SPC25: variants seen among roughly 807,000 people sequenced by gnomAD.
SPC25 encodes the protein kinetochore protein Spc25.
Under a neutral mutation model 29.6 loss-of-function variants are expected in SPC25, and 22 were observed. That is an observed-to-expected ratio of 0.74 (90% CI 0.53 to 1.06). The LOEUF (loss-of-function observed/expected upper bound fraction) is 1.06. Ranked by LOEUF, SPC25 falls within the 50% of genes least tolerant of loss-of-function variation. The pLI is 0.00. For synonymous variants in SPC25, 91 were observed against 90.4 expected (o/e 1.01, Z -0.04); for missense variants, 230 against 255.8 (o/e 0.90, Z 0.69).
intron 3 of SPC25, among the ~76,000 whole-genome samples, chr2:168,888,060 C>T (rs1371668336): frequency 3.9e-5 from 6 of 152,146 alleles, no homozygotes; most frequent in African/African-American, 9.7e-5. Flanking sequence ...GAGCGGACTG[C>T]TTGAGCCCAG....
In SPC25 at chr2:168,877,247, T is replaced by A; in HGVS notation, c.337A>T (p.Lys113Ter). ...IQDLKEEYSR[K>*]KETISTANKA... The stretch of plus-strand genomic sequence containing the variant: ...ATAAGAGGAAACTTACTTTCCTTCT[T>A]CCTAGAATATTCTTCCTTAAGATCC... The change falls in exon 4 of 7, where the codon AAG becomes TAG. Residue 113 changes from lysine (K) to a stop codon, truncating the protein, a stop_gained. Coordinates refer to ENST00000282074, the MANE Select transcript of SPC25 (RefSeq NM_020675.4). LOFTEE classifies it high-confidence loss of function. 6.2e-7 allele frequency: 1 copy of A among 1,613,190 alleles called. No individual in the cohort carries two copies. Among genetic ancestry groups the A allele is most frequent in the Non-Finnish European group, 8.5e-7 (1 of 1,179,660 alleles).
At position 168,879,501 on chromosome 2, in the gene SPC25, G is replaced by C. The variant is rs545698041; in HGVS notation, c.200-2117C>G. On this transcript the variant is annotated intron_variant, in intron 3 of 6. Coordinates refer to ENST00000282074, the MANE Select transcript of SPC25 (RefSeq NM_020675.4). ...GGCAGCAATTCGGTCACATCTTCAG[G>C]CTCCACTTCTAAATCTAGGTCTCTT... 2.6e-5 allele frequency among the ~76,000 whole-genome samples: 4 copies of C among 152,258 alleles called. No homozygotes were observed. The East Asian group carries it at 7.7e-4, about 29-fold the overall frequency.
rs1381486831 is a variant in SPC25 at position 168,888,955 on chromosome 2, GTGTA to G, written c.199+267_199+270del. On this transcript the variant is annotated intron_variant, in intron 3 of 6. Transcript: ENST00000282074. ...TGTGTGTGTGTGTGTGTGTGTGTGT[GTGTA>G]TATATATATATATACACACACACAT... Among the ~76,000 whole-genome samples, 140 of 59,312 alleles carry G rather than the reference GTGTA, an allele frequency of 2.4e-3. 5 individuals are homozygous for G. The highest frequency in any genetic ancestry group is 9.0e-3 in the African/African-American group (114 of 12,654). 38.9% of individuals were successfully genotyped at this position (59,312 alleles called of 152,430 possible).
chr2:168,864,944 G>T lies in SPC25; in HGVS notation n.419+8641C>A. 6.2e-7 allele frequency: 1 copy of T among 1,614,108 alleles called. No homozygotes were observed. The highest frequency in any genetic ancestry group is 1.3e-5 in the African/African-American group (1 of 75,044). ...TTATGTGGAGGAGTTACCTTCAAAT[G>T]CTGGCAACACAGCTACAAAGGCATA... On this transcript the variant is annotated intron_variant and non_coding_transcript_variant, in intron 4 of 4. Transcript: ENST00000479309.
intron 6 of SPC25, among the ~76,000 whole-genome samples, chr2:168,871,858 T>G (rs543817598): frequency 1.3e-4 from 20 of 152,184 alleles, no homozygotes; most frequent in African/African-American, 4.8e-4. Flanking sequence ...CTTAAACTTA[T>G]ATATTTTGTT....
chr2:168,863,923 T>C (rs183224483), intron 4 of SPC25, among the ~76,000 whole-genome samples: 2 of 152,102 alleles, frequency 1.3e-5, no homozygotes, highest in Non-Finnish European at 2.9e-5. Context: ...TTTTATTTTT[T>C]TTTTTGAGGC....
At chr2:168,883,188 A>G (rs1316524631) in intron 3 of SPC25, among the ~76,000 whole-genome samples, 1 of 152,152 alleles carries the variant, frequency 6.6e-6, no homozygotes, top group African/African-American at 2.4e-5. Flanking sequence ...AAAACAATTT[A>G]GCAATGTGGG....
chr2:168,876,499 T>C (rs962590882), intron 4 of SPC25, among the ~76,000 whole-genome samples: 1 of 152,082 alleles, frequency 6.6e-6, no homozygotes, highest in South Asian at 2.1e-4. Context: ...ACTGTGCTTT[T>C]TTTCTAGATA....
At chr2:168,876,848 A>G (rs954749983) in intron 4 of SPC25, among the ~76,000 whole-genome samples, 5 of 152,068 alleles carry the variant, frequency 3.3e-5, no homozygotes, top group Non-Finnish European at 5.9e-5. Flanking sequence ...TACATAAGAG[A>G]TTTTGCAGCA....
chr2:168,871,412 T>C lies in SPC25; in HGVS notation c.*19A>G, dbSNP rs1201879757. 1.9e-6 allele frequency: 3 copies of C among 1,575,004 alleles called. No individual in the cohort carries two copies. The highest frequency in any genetic ancestry group is 2.6e-6 in the Non-Finnish European group (3 of 1,168,394). On this transcript the variant is annotated 3_prime_UTR_variant, in exon 7 of 7. Transcript: ENST00000282074. ...ATAGAGAAGAAAAATAAACCGTTTT[T>C]ATATACACTATTTGTATGTTAATTA...
chr2:168,890,425 G>GATTTCA lies in SPC25; in HGVS notation c.-123_-122insTGAAAT. 1 of 985,492 alleles carries GATTTCA rather than the reference G, an allele frequency of 1.0e-6. No homozygotes were observed. The highest frequency in any genetic ancestry group is 1.2e-6 in the Non-Finnish European group (1 of 830,000). 61.0% of individuals were successfully genotyped at this position (985,492 alleles called of 1,614,324 possible). A position where few individuals can be genotyped will look rare whatever the true frequency, so the allele number is the denominator to read the frequency against. On this transcript the variant is annotated 5_prime_UTR_variant, in exon 1 of 7. Transcript: ENST00000282074. ...GCTCCCGCAGCCCCGCCAACTTTCC[G>GATTTCA]ATTTCAAACCTAGTGCACTTCCCGC...
chr2:168,863,380 G>C lies in SPC25; in HGVS notation n.419+10205C>G, dbSNP rs912658369. 3 of 983,154 alleles carry C rather than the reference G, an allele frequency of 3.1e-6. No individual in the cohort carries two copies. In the African/African-American group the frequency reaches 5.2e-5, roughly 17 times the overall value. 60.9% of individuals were successfully genotyped at this position (983,154 alleles called of 1,614,324 possible). ...TTAATAATTTCCTTTGTCTTAGAAA[G>C]AAAGTTGCTGAGGAAAAGAGTGAAA... On this transcript the variant is annotated intron_variant and non_coding_transcript_variant, in intron 4 of 4. Coordinates refer to the SPC25 transcript ENST00000479309.
At chr2:168,862,468 G>A (rs1046796000) in intron 4 of SPC25, among the ~76,000 whole-genome samples, 1 of 152,232 alleles carries the variant, frequency 6.6e-6, no homozygotes, top group Non-Finnish European at 1.5e-5. Context: ...AAAGTGATTA[G>A]AGATGTACCC....
At chr2:168,888,688 T>C (rs1241548916) in intron 3 of SPC25, among the ~76,000 whole-genome samples, 1 of 151,906 alleles carries the variant, frequency 6.6e-6, no homozygotes, top group East Asian at 1.9e-4. Context: ...AGTATGTCAA[T>C]GTTTATTCCT....
intron 4 of SPC25, among the ~76,000 whole-genome samples, chr2:168,862,708 A>ATAATG (rs1197462938): frequency 2.6e-5 from 4 of 152,324 alleles, no homozygotes; most frequent in Admixed American, 1.3e-4. Context: ...TAGTGGCTTT[A>ATAATG]TAATGTAAAC....
At chr2:168,878,225 A>G (rs886484809) in intron 3 of SPC25, among the ~76,000 whole-genome samples, 3 of 152,252 alleles carry the variant, frequency 2.0e-5, no homozygotes, top group African/African-American at 7.2e-5. Flanking sequence ...ACTTAAAAAC[A>G]TAGGTGCAAA....
At position 168,871,335 on chromosome 2, in the gene SPC25, C is replaced by A. The variant is rs1470868346; in HGVS notation, c.*96G>T. ...AAACCTGCACATTGTGCACATGTAC[C>A]CTAAAACTTAAAGTATAATAATAAT... On this transcript the variant is annotated 3_prime_UTR_variant, in exon 7 of 7. Coordinates refer to ENST00000282074, the MANE Select transcript of SPC25 (RefSeq NM_020675.4). 4.7e-5 allele frequency: 58 copies of A among 1,232,148 alleles called. No individual in the cohort carries two copies. The highest frequency in any genetic ancestry group is 6.2e-5 in the Non-Finnish European group (56 of 910,108). The allele number at this position is 1,232,148 out of a possible 1,614,324, so 76.3% of individuals were successfully genotyped here. A position where few individuals can be genotyped will look rare whatever the true frequency, so the allele number is the denominator to read the frequency against.
intron 3 of SPC25, among the ~76,000 whole-genome samples, chr2:168,882,624 A>AATAG (rs139351774): frequency 0.09 from 13,674 of 152,044 alleles, 1,100 homozygotes; most frequent in African/African-American, 0.22. Flanking sequence ...TAAATAAATA[A>AATAG]ACAGACAGAC....
chr2:168,864,293 T>A (rs1392375614), intron 4 of SPC25, among the ~76,000 whole-genome samples: 2 of 151,430 alleles, frequency 1.3e-5, no homozygotes, highest in Non-Finnish European at 2.9e-5. Flanking sequence ...CTGTTTTTTT[T>A]TTTCTGAGAC....
Sources: allele counts gnomAD v4.1 joint callset (sites outside exome capture counted in the v4.1 genomes callset), GRCh38; gene constraint gnomAD v4.1.1; transcripts MANE v1.5; gene names NCBI Gene and HGNC (gene_info 2026-07-23, HGNC 2026-07-21).